Variants in CELF1 observed in about 807,000 individuals in gnomAD.
The protein encoded by CELF1 is CUGBP Elav-like family member 1.
Under a neutral mutation model 61.8 loss-of-function variants are expected in CELF1, and 10 were observed. That is an observed-to-expected ratio of 0.16 (90% CI 0.10 to 0.27). The LOEUF (loss-of-function observed/expected upper bound fraction) is 0.27. CELF1 is among the 10% of genes least tolerant of loss of function. The pLI is 1.00. For synonymous variants in CELF1, 236 were observed against 225.1 expected, an observed-to-expected ratio of 1.05 and a Z score of -0.43; for missense variants, 380 against 639.1, an observed-to-expected ratio of 0.59 and a Z score of 4.37.
intron 2 of CELF1, among the ~76,000 whole-genome samples, chr11:47,558,402 A>G (rs1370439038): frequency 3.5e-5 from 5 of 144,124 alleles, no homozygotes; most frequent in African/African-American, 1.0e-4. Flanking sequence ...ATAGCCATCA[A>G]TGGATAAAAG....
Position 47,483,536 on chromosome 11 carries a change from G to GT in CELF1, c.527-5dup. 1 of 1,612,304 alleles carries GT rather than the reference G, an allele frequency of 6.2e-7. No individual in the cohort carries two copies. The highest frequency in any genetic ancestry group is 2.2e-5 in the East Asian group (1 of 44,854). On this transcript the variant is annotated splice_polypyrimidine_tract_variant and splice_region_variant and intron_variant, in intron 7 of 14. Coordinates refer to ENST00000687097, the MANE Select transcript of CELF1 (RefSeq NM_001376376.1). ...GTAAAAGTCACAAATGCACAACCTGGTAAGAGAAGAGTCAGTAACTCATGC... is the reference window on the plus strand; with the variant it reads ...GTAAAAGTCACAAATGCACAACCTGGTTAAGAGAAGAGTCAGTAACTCATGC...
chr11:47,553,255 G>T (rs900999471), upstream of CELF1: 58 of 381,042 alleles, frequency 1.5e-4, no homozygotes, highest in Non-Finnish European at 2.6e-4. Context: ...GCGGAGCGCG[G>T]CGTAGGGGCG....
intron 1 of CELF1, among the ~76,000 whole-genome samples, chr11:47,522,246 C>A (rs2095951772): frequency 6.6e-6 from 1 of 151,484 alleles, no homozygotes; most frequent in African/African-American, 2.4e-5. Context: ...TTGAAGTAGG[C>A]CGGGCATGGT....
At chr11:47,560,080 G>T (rs1046440029) in intron 2 of CELF1, among the ~76,000 whole-genome samples, 3 of 151,686 alleles carry the variant, frequency 2.0e-5, no homozygotes, top group South Asian at 2.1e-4. Context: ...CAGGCAGATT[G>T]CTAGAGCTCA....
chr11:47,483,097 TA>T (rs35188627), intron 8 of CELF1, among the ~76,000 whole-genome samples: 34,370 of 150,542 alleles, frequency 0.23, 4,978 homozygotes, highest in South Asian at 0.45. Context: ...CGGTCGCTAT[TA>T]AAAAAAAATA....
At chr11:47,529,914 C>T (rs116462823) in intron 1 of CELF1, among the ~76,000 whole-genome samples, 2,131 of 152,194 alleles carry the variant, frequency 0.014, 48 homozygotes, top group African/African-American at 0.048. Context: ...AACAAAGAAG[C>T]CACCCAACCT....
chr11:47,550,222 C>T (rs185676252), intron 1 of CELF1, among the ~76,000 whole-genome samples: 1 of 151,832 alleles, frequency 6.6e-6, no homozygotes, highest in African/African-American at 2.4e-5. Context: ...CACCCTGTCT[C>T]TACAAAAACA....
chr11:47,532,048 T>G (rs983934329), intron 1 of CELF1, among the ~76,000 whole-genome samples: 3 of 152,100 alleles, frequency 2.0e-5, no homozygotes, highest in African/African-American at 7.2e-5. Context: ...TTTTTTTTTT[T>G]GAGACAGAGT....
chr11:47,507,142 A>G (rs1445953511), intron 1 of CELF1, among the ~76,000 whole-genome samples: 1 of 152,242 alleles, frequency 6.6e-6, no homozygotes, highest in Non-Finnish European at 1.5e-5. Flanking sequence ...AAAAGGTTTA[A>G]AAGAGTCTTG....
intron 1 of CELF1, among the ~76,000 whole-genome samples, chr11:47,521,870 CAT>C (rs1386656158): frequency 2.6e-5 from 4 of 151,892 alleles, no homozygotes; most frequent in Non-Finnish European, 5.9e-5. Context: ...GAGCTAGAAA[CAT>C]AGTGTGTAGT....
rs2077763430 is a variant in CELF1, at chr11:47,471,754, C to T, written c.*476G>A. ...TCCCCACAGCTCCCAGGTGTCAGTTCTCATTCTACCCACCCTCACACTAAG... is the reference window on the plus strand; with the variant it reads ...TCCCCACAGCTCCCAGGTGTCAGTTTTCATTCTACCCACCCTCACACTAAG... On this transcript the variant is annotated 3_prime_UTR_variant, in exon 15 of 15. Coordinates refer to ENST00000687097, the MANE Select transcript of CELF1 (RefSeq NM_001376376.1). 6.5e-6 allele frequency: 1 copy of T among 154,086 alleles called. No individual in the cohort carries two copies. Among genetic ancestry groups the T allele is most frequent in the Non-Finnish European group, 1.4e-5 (1 of 69,146 alleles). The allele number at this position is 154,086 out of a possible 1,614,324, so 9.5% of individuals were successfully genotyped here.
chr11:47,490,983 T>C (rs1294088721), intron 3 of CELF1, among the ~76,000 whole-genome samples: 1 of 151,578 alleles, frequency 6.6e-6, no homozygotes, highest in Non-Finnish European at 1.5e-5. Flanking sequence ...TGCCTTAGCC[T>C]CCCAAGTAGC....
Position 47,469,991 on chromosome 11 carries a change from G to C in CELF1, c.*2239C>G, listed in dbSNP as rs560548607. 5 of 152,228 alleles carry C rather than the reference G, an allele frequency of 3.3e-5. No individual in the cohort carries two copies. The highest frequency in any genetic ancestry group is 1.3e-4 in the Admixed American group (2 of 15,280). The allele number at this position is 152,228 out of a possible 1,614,324, so 9.4% of individuals were successfully genotyped here. On this transcript the variant is annotated 3_prime_UTR_variant, in exon 15 of 15. Transcript: ENST00000687097. Reference sequence around the variant, plus strand: ...AGCACAGCACCGGCAGCACCCTATGGAGCACAGCTCTCTCCTCTGCCAATT... The same window carrying C: ...AGCACAGCACCGGCAGCACCCTATGCAGCACAGCTCTCTCCTCTGCCAATT...
chr11:47,484,552 A>G (rs1228704120), intron 6 of CELF1, 29 bp from the exon 7 acceptor site: 1 of 1,590,850 alleles, frequency 6.3e-7, no homozygotes, highest in Non-Finnish European at 8.5e-7. Context: ...AAAGACTTGA[A>G]TATTACTACT....
chr11:47,541,717 AG>A (rs2096789131), intron 1 of CELF1, among the ~76,000 whole-genome samples: 6 of 21,470 alleles, frequency 2.8e-4, no homozygotes, highest in African/African-American at 6.2e-4. Flanking sequence ...AAAGAAAGAA[AG>A]AAAGAAAGAA....
intron 1 of CELF1, among the ~76,000 whole-genome samples, chr11:47,522,924 A>G (rs2096024421): frequency 6.6e-6 from 1 of 152,096 alleles, no homozygotes; most frequent in African/African-American, 2.4e-5. Context: ...AATATTTCCT[A>G]GCAGGAGGGG....
intron 1 of CELF1, among the ~76,000 whole-genome samples, chr11:47,524,981 G>A (rs1179633075): frequency 6.6e-6 from 1 of 152,132 alleles, no homozygotes; most frequent in Admixed American, 6.6e-5. Context: ...GAATCCCTCA[G>A]CCACGGGAAA....
At chr11:47,518,544 G>A (rs2095680247) in intron 1 of CELF1, among the ~76,000 whole-genome samples, 1 of 152,176 alleles carries the variant, frequency 6.6e-6, no homozygotes, top group African/African-American at 2.4e-5. Context: ...CTTACTTGAA[G>A]GCTCTAGAGA....
intron 1 of CELF1, among the ~76,000 whole-genome samples, chr11:47,540,842 G>A (rs1312229219): frequency 6.6e-6 from 1 of 152,026 alleles, no homozygotes; most frequent in Non-Finnish European, 1.5e-5. Flanking sequence ...CCGAGATCGC[G>A]CCACTGGACT....
Sources: gnomAD v4.1 joint callset for allele counts (sites outside exome capture counted in the v4.1 genomes callset) on GRCh38, gnomAD v4.1.1 for gene constraint, MANE v1.5 for transcripts, NCBI Gene and HGNC (gene_info 2026-07-23, HGNC 2026-07-21) for gene names.